SLC24A4: variants seen among roughly 807,000 people sequenced by gnomAD.
The protein encoded by SLC24A4 is sodium/potassium/calcium exchanger 4.
A neutral mutation model predicts 79.0 loss-of-function variants in SLC24A4; 53 were observed. That is an observed-to-expected ratio of 0.67 (90% CI 0.54 to 0.84). SLC24A4 has a LOEUF of 0.84. Ranked by LOEUF, SLC24A4 falls within the 40% of genes least tolerant of loss-of-function variation. SLC24A4 has a pLI of 0.00. For missense variants in SLC24A4, 731 were observed against 822.0 expected (o/e 0.89, Z 1.35); for synonymous variants, 323 against 323.8 (o/e 1.00, Z 0.03).
intron 3 of SLC24A4, among the ~76,000 whole-genome samples, chr14:92,438,942 C>T (rs1892336119): frequency 6.6e-6 from 1 of 152,134 alleles, no homozygotes; most frequent in African/African-American, 2.4e-5. Flanking sequence ...CTGAAGCTAC[C>T]GAGGTGCCCC....
At chr14:92,336,520 A>G (rs959168817) in intron 2 of SLC24A4, among the ~76,000 whole-genome samples, 1 of 152,192 alleles carries the variant, frequency 6.6e-6, no homozygotes, top group Non-Finnish European at 1.5e-5. Flanking sequence ...TTCCTTTGCT[A>G]ATTCAGCACA....
intron 12 of SLC24A4, among the ~76,000 whole-genome samples, chr14:92,470,772 C>G (rs990699866): frequency 6.6e-6 from 1 of 152,094 alleles, no homozygotes; most frequent in Non-Finnish European, 1.5e-5. Context: ...CCTCTGCAGC[C>G]CCCAAAACTC....
rs550047183 is a variant in SLC24A4 at position 92,456,636 on chromosome 14, G to C, written c.1255+28G>C. On this transcript the variant is annotated intron_variant, in intron 12 of 16. Coordinates refer to ENST00000532405, the MANE Select transcript of SLC24A4 (RefSeq NM_153646.4). The stretch of plus-strand genomic sequence containing the variant: ...GAGTTCTGGGGGTACTGGACTCTCG[G>C]GCTACATTTTTGGGGGCTCCATTAG... 39 of 1,606,246 alleles carry C rather than the reference G, an allele frequency of 2.4e-5. No homozygotes were observed. The South Asian group carries it at 3.8e-4, about 15-fold the overall frequency.
intron 2 of SLC24A4, among the ~76,000 whole-genome samples, chr14:92,432,212 T>C (rs552427631): frequency 1.2e-4 from 18 of 152,226 alleles, no homozygotes; most frequent in Non-Finnish European, 2.2e-4. Context: ...CAGAGCAAGG[T>C]GTGAGGCTGA....
At position 92,498,347 on chromosome 14, in the gene SLC24A4, T is replaced by G. The variant is rs929588811; in HGVS notation, c.*4719T>G. 6.6e-6 allele frequency: 1 copy of G among 152,170 alleles called. No individual in the cohort carries two copies. The highest frequency in any genetic ancestry group is 1.5e-5 in the Non-Finnish European group (1 of 68,040). The allele number at this position is 152,170 out of a possible 1,614,324, so 9.4% of individuals were successfully genotyped here. ...GAACAAGAGTGATGGGGTCTTTCTC[T>G]AGGCCTGTGCCACAGGACAGAGAAC... On this transcript the variant is annotated 3_prime_UTR_variant, in exon 17 of 17. Coordinates refer to ENST00000532405, the MANE Select transcript of SLC24A4 (RefSeq NM_153646.4).
At chr14:92,462,805 A>T (rs1241164663) in intron 12 of SLC24A4, 1 of 152,358 alleles carries the variant, frequency 6.6e-6, no homozygotes, top group African/African-American at 2.4e-5. Context: ...AGGCACAGAG[A>T]GGCTGAGTTG....
rs544564066 is a variant in SLC24A4 at position 92,436,675 on chromosome 14, G to A, written c.319-2660G>A. On this transcript the variant is annotated intron_variant, in intron 3 of 16. Coordinates refer to ENST00000532405, the MANE Select transcript of SLC24A4 (RefSeq NM_153646.4). ...AGCACAAAAAGAACCTAGCTTAGGG[G>A]CCAGTTTTGCCTGCAGTGCTCCGTG... Among the ~76,000 whole-genome samples, 3 of 152,308 alleles carry A rather than the reference G, an allele frequency of 2.0e-5. No homozygotes were observed. The East Asian group carries it at 5.8e-4, about 29-fold the overall frequency.
rs1456367462 is a variant in SLC24A4, at chr14:92,441,111, C to T, written c.394-978C>T. On this transcript the variant is annotated intron_variant, in intron 4 of 16. Coordinates refer to ENST00000532405, the MANE Select transcript of SLC24A4 (RefSeq NM_153646.4). The surrounding 1 kb of genome is among the most constrained non-coding windows in gnomAD (Gnocchi z 4.6). Reference sequence around the variant, plus strand: ...CAGAGCTCTAACCCTTCTGAGGACCCCTCTAAGGCTTAGCTGACCAGTGGG... The same window carrying T: ...CAGAGCTCTAACCCTTCTGAGGACCTCTCTAAGGCTTAGCTGACCAGTGGG... Among the ~76,000 whole-genome samples the T allele has an allele frequency of 6.6e-6, 1 of 152,138 alleles. No individual in the cohort carries two copies. The highest frequency in any genetic ancestry group is 2.4e-5 in the African/African-American group (1 of 41,408).
chr14:92,471,081 C>T (rs970744271), intron 12 of SLC24A4, among the ~76,000 whole-genome samples: 3 of 152,238 alleles, frequency 2.0e-5, no homozygotes, highest in Non-Finnish European at 2.9e-5. Flanking sequence ...CTGCATGTAA[C>T]AGAAAACTCA....
intron 2 of SLC24A4, among the ~76,000 whole-genome samples, chr14:92,362,416 C>G (rs74072676): frequency 0.011 from 1,602 of 152,260 alleles, 31 homozygotes; most frequent in African/African-American, 0.037. Context: ...GTCAGTCCCC[C>G]CAATGTTCAC....
chr14:92,464,449 G>A (rs1454161222), intron 12 of SLC24A4, among the ~76,000 whole-genome samples: 1 of 152,174 alleles, frequency 6.6e-6, no homozygotes, highest in African/African-American at 2.4e-5. Context: ...GAACAAGAAT[G>A]CCAGCAACGA....
At chr14:92,368,925 C>T (rs185857530) in intron 2 of SLC24A4, among the ~76,000 whole-genome samples, 15 of 152,302 alleles carry the variant, frequency 9.8e-5, no homozygotes, top group South Asian at 2.1e-4. Context: ...CTGCTCAGCT[C>T]CCTACCCACT....
chr14:92,394,803 A>G (rs1374331935), intron 2 of SLC24A4, among the ~76,000 whole-genome samples: 1 of 152,260 alleles, frequency 6.6e-6, no homozygotes, highest in Non-Finnish European at 1.5e-5. Flanking sequence ...ATGGGATATC[A>G]GCAGTATCAT....
rs1030007852 is a variant in SLC24A4, at chr14:92,335,239, G to A, written c.241+9261G>A. Among the ~76,000 whole-genome samples, 14 of 152,278 alleles carry A rather than the reference G, an allele frequency of 9.2e-5. No homozygotes were observed. The Middle Eastern group carries it at 0.014, about 148-fold the overall frequency. ...TTATTGATACTTTGTATTAGTGGGT[G>A]TATTTGTTACAATGATGAGTCAATA... On this transcript the variant is annotated intron_variant, in intron 2 of 16. Coordinates refer to ENST00000532405, the MANE Select transcript of SLC24A4 (RefSeq NM_153646.4).
intron 2 of SLC24A4, among the ~76,000 whole-genome samples, chr14:92,330,102 G>C (rs1885383686): frequency 6.6e-6 from 1 of 152,166 alleles, no homozygotes; most frequent in Non-Finnish European, 1.5e-5. Context: ...TGGAGACCTA[G>C]TGCTCAGCCT....
intron 12 of SLC24A4, among the ~76,000 whole-genome samples, chr14:92,467,943 G>T (rs568042550): frequency 3.9e-4 from 60 of 152,284 alleles, no homozygotes; most frequent in African/African-American, 1.3e-3. Context: ...GAGGGCTCTA[G>T]CCAGGGCAAA....
intron 2 of SLC24A4, among the ~76,000 whole-genome samples, chr14:92,337,915 C>G (rs1418887103): frequency 6.6e-6 from 1 of 152,128 alleles, no homozygotes; most frequent in Admixed American, 6.5e-5. Context: ...CTTCACAGTA[C>G]AAATTTTCGG....
In SLC24A4 at chr14:92,447,443, C is replaced by T. The variant is rs1774127227; in HGVS notation, c.737+19C>T. The T allele has an allele frequency of 6.2e-7, 1 of 1,613,054 alleles. No individual in the cohort carries two copies. Reference sequence around the variant, plus strand: ...TCATGAAGTAAGTGCCCTTTCTCCTCCCCGGGGCTGCCGACGCCTTGCCCC... The same window carrying T: ...TCATGAAGTAAGTGCCCTTTCTCCTTCCCGGGGCTGCCGACGCCTTGCCCC... On this transcript the variant is annotated intron_variant, in intron 9 of 16. Coordinates refer to ENST00000532405, the MANE Select transcript of SLC24A4 (RefSeq NM_153646.4).
At chr14:92,322,664 A>T (rs1023713477), upstream of SLC24A4, 1 of 152,742 alleles carries the variant, frequency 6.5e-6, no homozygotes, top group African/African-American at 2.4e-5. Flanking sequence ...CAGATCCCCA[A>T]CAGCCCCGAG....
Sources: gnomAD v4.1 joint callset for allele counts (sites outside exome capture counted in the v4.1 genomes callset) on GRCh38, gnomAD v4.1.1 for gene constraint, Gnocchi (gnomAD v3.1) non-coding constraint, MANE v1.5 for transcripts, NCBI Gene and HGNC (gene_info 2026-07-23, HGNC 2026-07-21) for gene names.